DNM2: variants seen among roughly 807,000 people sequenced by gnomAD.
DNM2 encodes the protein dynamin-2.
In DNM2, 15 loss-of-function variants were observed where a neutral mutation model predicts 99.0. That is an observed-to-expected ratio of 0.15 (90% CI 0.10 to 0.23). DNM2 has a LOEUF of 0.23. Ranked by LOEUF, DNM2 falls within the 10% of genes least tolerant of loss-of-function variation. DNM2 has a pLI of 1.00. For missense variants in DNM2, 742 were observed against 1,189.4 expected (o/e 0.62, Z 5.53); for synonymous variants, 525 against 481.2 (o/e 1.09, Z -1.19).
rs923992254 is a variant in DNM2, at chr19:10,772,087, T to A, written c.236-392T>A. On this transcript the variant is annotated intron_variant, in intron 2 of 20. Coordinates refer to ENST00000389253, the MANE Select transcript of DNM2 (RefSeq NM_001005361.3). The surrounding 1 kb of genome is among the most constrained non-coding windows in gnomAD (Gnocchi z 4.9). ...TTATTTTATTTTATTTTATTTATTT[T>A]TTTATTTTTTTGAGATGGAGTCTTC... 4.5e-4 allele frequency among the ~76,000 whole-genome samples: 60 copies of A among 134,140 alleles called. No homozygotes were observed. The highest frequency in any genetic ancestry group is 1.3e-3 in the African/African-American group (47 of 35,576). 88.0% of individuals were successfully genotyped at this position (134,140 alleles called of 152,430 possible).
chr19:10,730,669 A>G (rs985711287), intron 1 of DNM2, among the ~76,000 whole-genome samples: 3 of 151,938 alleles, frequency 2.0e-5, no homozygotes, highest in Non-Finnish European at 4.4e-5. Context: ...ATAAAGAGTA[A>G]TAACAGTAAT....
At chr19:10,793,040 G>A (rs1378283716) in intron 7 of DNM2, among the ~76,000 whole-genome samples, 1 of 152,122 alleles carries the variant, frequency 6.6e-6, no homozygotes, top group Non-Finnish European at 1.5e-5. Context: ...ACCGCACCCG[G>A]CCAATAAAAC....
chr19:10,761,499 C>T (rs766764396), intron 2 of DNM2, among the ~76,000 whole-genome samples: 2 of 152,130 alleles, frequency 1.3e-5, no homozygotes, highest in Non-Finnish European at 1.5e-5. Flanking sequence ...AAGCTAGACC[C>T]GGGAGAGGTA....
In DNM2 at chr19:10,761,372, T is replaced by TC. The variant is rs1236538012; in HGVS notation, c.235+1562dup. ...GGCCTATGTGTGGATTTTTTCCTGT[T>TC]CTTTCCTTCCCTGATCTCAGTGTAT... On this transcript the variant is annotated intron_variant, in intron 2 of 20. Coordinates refer to ENST00000389253, the MANE Select transcript of DNM2 (RefSeq NM_001005361.3). 9.2e-5 allele frequency among the ~76,000 whole-genome samples: 14 copies of TC among 152,270 alleles called. No homozygotes were observed. The East Asian group carries it at 2.7e-3, about 29-fold the overall frequency.
At chr19:10,802,615 C>G in intron 12 of DNM2, 1 of 540,732 alleles carries the variant, frequency 1.8e-6, no homozygotes, top group South Asian at 1.9e-5. Flanking sequence ...ATGTTCAGAT[C>G]TGCAGGGAGA....
At chr19:10,761,161 G>T (rs1315945878) in intron 2 of DNM2, among the ~76,000 whole-genome samples, 1 of 151,730 alleles carries the variant, frequency 6.6e-6, no homozygotes, top group East Asian at 1.9e-4. Context: ...GCTAATTTTT[G>T]TATTTTTAGT....
At chr19:10,758,728 G>A (rs1255331057) in intron 1 of DNM2, among the ~76,000 whole-genome samples, 5 of 151,554 alleles carry the variant, frequency 3.3e-5, no homozygotes, top group South Asian at 4.2e-4. Context: ...TGTATTTTTA[G>A]TAGAGACGGG....
At chr19:10,799,470 A>T (rs890537879) in intron 11 of DNM2, among the ~76,000 whole-genome samples, 1 of 151,476 alleles carries the variant, frequency 6.6e-6, no homozygotes, top group African/African-American at 2.4e-5. Flanking sequence ...TGGATGGAGC[A>T]CAGCAAGGAC....
chr19:10,806,519 G>GATA (rs1323982706), intron 13 of DNM2, among the ~76,000 whole-genome samples: 6 of 151,732 alleles, frequency 4.0e-5, no homozygotes, highest in African/African-American at 1.5e-4. Flanking sequence ...GGCTGGGCAC[G>GATA]ATAGCTCACA....
Position 10,765,314 on chromosome 19 carries a change from G to A in DNM2, c.235+5503G>A, listed in dbSNP as rs2070764710. ...GCACACGAGAACAGGCATGCAGATC[G>A]GCTCTGCCCAGCACAGGGCCTGGCG... On this transcript the variant is annotated intron_variant, in intron 2 of 20. Coordinates refer to ENST00000389253, the MANE Select transcript of DNM2 (RefSeq NM_001005361.3). The surrounding 1 kb of genome is among the most constrained non-coding windows in gnomAD (Gnocchi z 4.4). Among the ~76,000 whole-genome samples the A allele has an allele frequency of 6.6e-6, 1 of 152,352 alleles. No individual in the cohort carries two copies. Among genetic ancestry groups the A allele is most frequent in the East Asian group, 1.9e-4 (1 of 5,180 alleles).
chr19:10,723,659 G>C (rs1241527570), intron 1 of DNM2, among the ~76,000 whole-genome samples: 1 of 152,214 alleles, frequency 6.6e-6, no homozygotes, highest in East Asian at 1.9e-4. Context: ...TGGCATAGAA[G>C]AAGTGCTTAA....
At chr19:10,806,082 G>A (rs1221284652) in intron 13 of DNM2, 115 bp downstream of exon 13, 4 of 1,315,114 alleles carry the variant, frequency 3.0e-6, no homozygotes, top group East Asian at 2.4e-5. Flanking sequence ...CACAGCCTCA[G>A]TACCAGGCCA....
chr19:10,740,756 T>TTAGCTGCA (rs1273987584), intron 1 of DNM2, among the ~76,000 whole-genome samples: 2 of 152,248 alleles, frequency 1.3e-5, no homozygotes, highest in Non-Finnish European at 2.9e-5. Context: ...ATCCATAAGT[T>TTAGCTGCA]TTGATATGTT....
At chr19:10,802,591 G>C in intron 12 of DNM2, 1 of 611,924 alleles carries the variant, frequency 1.6e-6, no homozygotes, top group Non-Finnish European at 3.0e-6. Flanking sequence ...TTAGTTTAGG[G>C]AGAGGGCAGT....
intron 6 of DNM2, 29 bp from the exon 7 acceptor site, chr19:10,786,535 C>T (rs199573540): frequency 1.2e-6 from 2 of 1,613,778 alleles, no homozygotes; most frequent in East Asian, 2.2e-5. Flanking sequence ...CCATGCCACC[C>T]TTTCTGATCT....
At chr19:10,783,698 TA>T (rs1272962107) in intron 6 of DNM2, among the ~76,000 whole-genome samples, 2,178 of 131,506 alleles carry the variant, frequency 0.017, 55 homozygotes, top group African/African-American at 0.046. Context: ...TTATTATTAT[TA>T]TTATTATTTT....
intron 6 of DNM2, among the ~76,000 whole-genome samples, chr19:10,783,675 TTTATTATTA>T (rs374887052): frequency 1.4e-4 from 20 of 141,332 alleles, no homozygotes; most frequent in South Asian, 6.6e-4. Context: ...CTCTTTTTTA[TTTATTATTA>T]TTATTATTAT....
At chr19:10,794,765 AAAAG>A (rs1021216990) in intron 8 of DNM2, among the ~76,000 whole-genome samples, 5 of 152,072 alleles carry the variant, frequency 3.3e-5, no homozygotes, top group South Asian at 2.1e-4. Context: ...AAAAAAAACA[AAAAG>A]AAAGAAAAAA....
Position 10,772,138 on chromosome 19 carries a change from G to A in DNM2, c.236-341G>A, listed in dbSNP as rs541629894. On this transcript the variant is annotated intron_variant, in intron 2 of 20. Transcript: ENST00000389253. This position sits in a 1 kb window ranked among gnomAD's most constrained non-coding sequence, Gnocchi z 4.9. ...TCTGTCTCCCAGGCTAGAGTGCAGT[G>A]GCGCAATCTCGGCTCACTACAACCT... Among the ~76,000 whole-genome samples, 1 of 151,712 alleles carries A rather than the reference G, an allele frequency of 6.6e-6. No homozygotes were observed. The highest frequency in any genetic ancestry group is 2.1e-4 in the South Asian group (1 of 4,806).
Sources: gnomAD v4.1 joint callset for allele counts (sites outside exome capture counted in the v4.1 genomes callset) on GRCh38, gnomAD v4.1.1 for gene constraint, Gnocchi (gnomAD v3.1) non-coding constraint, MANE v1.5 for transcripts, NCBI Gene and HGNC (gene_info 2026-07-23, HGNC 2026-07-21) for gene names.